Variants in TAF7L observed in about 807,000 individuals in gnomAD.
TAF7L encodes transcription initiation factor TFIID subunit 7-like.
TAF7L carries 6 observed loss-of-function variants against 30.2 expected under a neutral mutation model. The observed-to-expected ratio is 0.20, with a 90% confidence interval of 0.11 to 0.39. The LOEUF is 0.39. Among genes scored for constraint, TAF7L ranks in the 10% least tolerant of loss-of-function variants. TAF7L has a pLI of 1.00. For missense variants in TAF7L, 284 were observed against 277.1 expected, an observed-to-expected ratio of 1.03 and a Z score of -0.18; for synonymous variants, 93 against 94.5, an observed-to-expected ratio of 0.98 and a Z score of 0.09.
chrX:101,278,954 C>T, intron 7 of TAF7L, 40 bp downstream of exon 7: 1 of 1,136,724 alleles, frequency 8.8e-7, no homozygotes, highest in Non-Finnish European at 1.2e-6. Flanking sequence ...AAATAAAACA[C>T]ATTAAGGGTA....
At chrX:101,282,674 G>A (rs1237513669) in intron 4 of TAF7L, among the ~76,000 whole-genome samples, 1 of 109,617 alleles carries the variant, frequency 9.1e-6, no homozygotes, top group Non-Finnish European at 1.9e-5. Context: ...TATGAACTCT[G>A]AAGGTGCTTT....
intron 6 of TAF7L, among the ~76,000 whole-genome samples, chrX:101,281,301 T>G (rs763951849): frequency 8.9e-6 from 1 of 112,241 alleles, no homozygotes; most frequent in East Asian, 2.8e-4. Flanking sequence ...ATAACATGTT[T>G]AATTTTAAAC....
intron 1 of TAF7L, among the ~76,000 whole-genome samples, chrX:101,290,676 G>A (rs1924764303): frequency 8.9e-6 from 1 of 112,448 alleles, no homozygotes; most frequent in South Asian, 3.7e-4. Context: ...AGAAAAGTTA[G>A]ACAATCCTGG....
chrX:101,286,442 G>A (rs1284442069), intron 3 of TAF7L, 133 bp downstream of exon 3: 2 of 432,856 alleles, frequency 4.6e-6, no homozygotes, highest in African/African-American at 2.5e-5. Context: ...CCTCTCTAAA[G>A]CATGAGTCCA....
In TAF7L at chrX:101,270,854, G is replaced by T. The variant is rs779633721; in HGVS notation, c.1087-1617C>A. On this transcript the variant is annotated intron_variant, in intron 12 of 12. Coordinates refer to ENST00000356784, the MANE Select transcript of TAF7L (RefSeq NM_001168474.2). ...TTCCCCAGGTAAAAAGGCTTTGAAG[G>T]TTCATTATGACCTACACCAAAAATC... is the stretch of plus-strand genomic sequence containing the variant. 2.7e-5 allele frequency among the ~76,000 whole-genome samples: 3 copies of T among 111,192 alleles called. No homozygotes were observed. The South Asian group carries it at 1.1e-3, about 42-fold the overall frequency.
At chrX:101,275,850 A>T in intron 11 of TAF7L, 150 bp downstream of exon 11, 1 of 417,587 alleles carries the variant, frequency 2.4e-6, no homozygotes, top group Non-Finnish European at 4.0e-6. Context: ...GTAAAAGGAA[A>T]CAGGGTTATC....
intron 6 of TAF7L, among the ~76,000 whole-genome samples, chrX:101,280,586 A>G (rs1342221972): frequency 1.8e-5 from 2 of 111,921 alleles, no homozygotes; most frequent in African/African-American, 6.5e-5. Context: ...TTACAAAACT[A>G]AACATGTGAC....
chrX:101,285,962 C>T (rs1403730408), intron 3 of TAF7L, among the ~76,000 whole-genome samples: 2 of 111,322 alleles, frequency 1.8e-5, no homozygotes, highest in East Asian at 5.6e-4. Context: ...GCAGGCGGAT[C>T]ACAAGGTCAG....
chrX:101,276,273 C>T, intron 10 of TAF7L, 34 bp downstream of exon 10: 1 of 1,210,132 alleles, frequency 8.3e-7, no homozygotes. Flanking sequence ...CTGCCACCCA[C>T]CCTGGTCCCA....
rs1208002070 is a variant in TAF7L at position 101,280,781 on chromosome X, A to G, written c.462+939T>C. ...TTCATACCATGGAATACTACTCAGC[A>G]ATAAAAAATAAACTATTGATGCTAC... is the stretch of plus-strand genomic sequence containing the variant. On this transcript the variant is annotated intron_variant, in intron 6 of 12. Transcript: ENST00000356784. Among the ~76,000 whole-genome samples the G allele has an allele frequency of 2.7e-5, 3 of 112,227 alleles. No individual in the cohort carries two copies. In the East Asian group the frequency reaches 8.3e-4, roughly 31 times the overall value.
chrX:101,281,672 ATCC>A, intron 6 of TAF7L, 45 bp downstream of exon 6: 1 of 1,137,728 alleles, frequency 8.8e-7, no homozygotes, highest in East Asian at 3.0e-5. Flanking sequence ...CTGGCCCATG[ATCC>A]TCTTCTAATC....
chrX:101,279,095 A>C, intron 6 of TAF7L, 60 bp from the exon 7 acceptor site: 1 of 944,572 alleles, frequency 1.1e-6, no homozygotes, highest in Non-Finnish European at 1.5e-6. Context: ...AGTAAAGCTT[A>C]AAGAGCTCTA....
chrX:101,292,889 C>T (rs1217385020), upstream of TAF7L: 14 of 1,211,347 alleles, frequency 1.2e-5, no homozygotes, highest in Non-Finnish European at 1.5e-5. Context: ...TGGGTGCCTT[C>T]GTCGCCAGCA....
Position 101,276,034 on chromosome X carries a change from T to A in TAF7L, c.992A>T (p.Asp331Val). Residue 331 changes from aspartate to valine, a missense_variant, in exon 11 of 13, where the codon GAT becomes GTT. Transcript: ENST00000356784. ...KIQNKAQRQKDLIMKVENLTL... is the reference protein window; with the variant it reads ...KIQNKAQRQKVLIMKVENLTL... ...CAGGTTTTCCACTTTCATGATGAGA[T>A]CCTTCTGTCTTTGTGCTTTATTCTG... The A allele has an allele frequency of 8.3e-7, 1 of 1,202,673 alleles. No individual in the cohort carries two copies. The highest frequency in any genetic ancestry group is 1.8e-5 in the South Asian group (1 of 54,586).
At chrX:101,291,673 T>C (rs1344008595), upstream of TAF7L, among the ~76,000 whole-genome samples, 1 of 108,590 alleles carries the variant, frequency 9.2e-6, no homozygotes, top group African/African-American at 3.4e-5. Context: ...GAGACCATCC[T>C]GGCCAACATG....
At chrX:101,281,104 T>C (rs1380033846) in intron 6 of TAF7L, among the ~76,000 whole-genome samples, 1 of 111,495 alleles carries the variant, frequency 9.0e-6, no homozygotes, top group Non-Finnish European at 1.9e-5. Flanking sequence ...ACTAAACACA[T>C]GCACAAAAAT....
upstream of TAF7L, among the ~76,000 whole-genome samples, chrX:101,291,615 C>A (rs1924806850): frequency 9.0e-6 from 1 of 111,669 alleles, no homozygotes; most frequent in Admixed American, 9.5e-5. Context: ...GACTGTAATC[C>A]CAGTACTTTG....
At chrX:101,277,963 G>T in intron 8 of TAF7L, 86 bp downstream of exon 8, 1 of 814,505 alleles carries the variant, frequency 1.2e-6, no homozygotes, top group Non-Finnish European at 1.9e-6. Flanking sequence ...ATCAAGACTG[G>T]CACACAAACA....
At chrX:101,275,337 AC>A (rs779535837) in intron 11 of TAF7L, 56 bp from the exon 12 acceptor site, 20 of 741,353 alleles carry the variant, frequency 2.7e-5, no homozygotes, top group East Asian at 2.2e-4. Context: ...AAAAAAAAAA[AC>A]CAAGGGAGGC....
Sources: allele counts gnomAD v4.1 joint callset (sites outside exome capture counted in the v4.1 genomes callset), GRCh38; gene constraint gnomAD v4.1.1; transcripts MANE v1.5; gene names NCBI Gene and HGNC (gene_info 2026-07-23, HGNC 2026-07-21).